The following TPCN2 variants were observed in gnomAD, a reference collection of about 807,000 sequenced individuals.
The protein encoded by TPCN2 is two pore segment channel 2, also known as two pore channel protein 2.
TPCN2 carries 92 observed loss-of-function variants against 111.4 expected under a neutral mutation model. The ratio of observed to expected loss-of-function variants is 0.83; its 90% CI spans 0.70 to 0.98. The LOEUF (loss-of-function observed/expected upper bound fraction) is 0.98, where lower values mean the gene tolerates loss of function less well. Ranked by LOEUF, TPCN2 falls within the 50% of genes least tolerant of loss-of-function variation. The pLI is 0.00. For missense variants in TPCN2, 995 were observed against 980.1 expected, an observed-to-expected ratio of 1.02 and a Z score of -0.20; for synonymous variants, 405 against 414.5, an observed-to-expected ratio of 0.98 and a Z score of 0.28.
chr11:69,054,630 C>A, intron 2 of TPCN2, 91 bp from the exon 3 acceptor site: 1 of 1,232,578 alleles, frequency 8.1e-7, no homozygotes, highest in Non-Finnish European at 1.2e-6. Flanking sequence ...CAGCCTGAGA[C>A]TTGGGCCTGT....
chr11:69,063,886 C>T lies in TPCN2; in HGVS notation c.654-9C>T, dbSNP rs780674279. On this transcript the variant is annotated splice_polypyrimidine_tract_variant and intron_variant, in intron 6 of 24. Transcript: ENST00000294309. ...CCTGGCCCAGGCTGAGTGCCGTGCT[C>T]TCCCCCAGCGTCGGGCTGCTGCTGG... 1.9e-5 allele frequency: 31 copies of T among 1,613,604 alleles called. No homozygotes were observed. The South Asian group carries it at 3.3e-4, about 17-fold the overall frequency.
At chr11:69,054,484 G>A in intron 2 of TPCN2, 1 of 576,760 alleles carries the variant, frequency 1.7e-6, no homozygotes. Context: ...CTGAGTGTTT[G>A]CTCACGCACC....
Position 69,087,070 on chromosome 11 carries a change from A to C in TPCN2, c.2086-42A>C, listed in dbSNP as rs774993377. 4.5e-6 allele frequency: 7 copies of C among 1,571,708 alleles called. No individual in the cohort carries two copies. In the Admixed American group the frequency reaches 1.0e-4, roughly 23 times the overall value. The stretch of plus-strand genomic sequence containing the variant: ...CCGGGGATGGGGCAAGGCTGCTTTC[A>C]TTCGGGGCCCACACTCACTGGCCAC... On this transcript the variant is annotated intron_variant, in intron 23 of 24. Transcript: ENST00000294309.
At position 69,087,164 on chromosome 11, in the gene TPCN2, C is replaced by T. The variant is rs759084745; in HGVS notation, c.2138C>T (p.Thr713Ile). The change falls in exon 24 of 25, where the codon ACC becomes ATC. Residue 713 changes from threonine to isoleucine, a missense_variant. Transcript: ENST00000294309. Reference sequence around the variant, plus strand: ...AGCCACCTGCAGCCCCTTGCTGGGACCCCAGAGGCCACCTACCAGATGACT... The same window carrying T: ...AGCCACCTGCAGCCCCTTGCTGGGATCCCAGAGGCCACCTACCAGATGACT... Reference protein sequence around the residue: ...PRSHLQPLAGTPEATYQMTVE... With the variant: ...PRSHLQPLAGIPEATYQMTVE... 1 of 1,613,932 alleles carries T rather than the reference C, an allele frequency of 6.2e-7. No individual in the cohort carries two copies. The highest frequency in any genetic ancestry group is 1.1e-5 in the South Asian group (1 of 91,086).
chr11:69,076,163 C>G (rs1441465181), intron 13 of TPCN2, among the ~76,000 whole-genome samples: 1 of 152,126 alleles, frequency 6.6e-6, no homozygotes, highest in Non-Finnish European at 1.5e-5. Flanking sequence ...GGGGACCCTC[C>G]GAAGCTGGGG....
intron 13 of TPCN2, among the ~76,000 whole-genome samples, chr11:69,074,830 T>C (rs186630393): frequency 9.8e-5 from 15 of 152,344 alleles, no homozygotes; most frequent in Non-Finnish European, 1.0e-4. Flanking sequence ...TTCCTCAGGC[T>C]TTGCTCCTGG....
At chr11:69,076,930 C>T (rs111170100) in intron 13 of TPCN2, among the ~76,000 whole-genome samples, 40 of 72,330 alleles carry the variant, frequency 5.5e-4, no homozygotes, top group Admixed American at 1.6e-3. Flanking sequence ...TCCTGCCATG[C>T]CCCTCCACCT....
At chr11:69,064,883 T>TTGTC (rs373677805) in intron 7 of TPCN2, among the ~76,000 whole-genome samples, 6,262 of 151,560 alleles carry the variant, frequency 0.041, 450 homozygotes, top group African/African-American at 0.14. Context: ...GTGTGCGTGT[T>TTGTC]TGTATGTGTG....
At chr11:69,065,140 G>A (rs1168954934) in intron 7 of TPCN2, among the ~76,000 whole-genome samples, 3 of 152,132 alleles carry the variant, frequency 2.0e-5, no homozygotes, top group African/African-American at 4.8e-5. Flanking sequence ...ATGTGTGTGC[G>A]TATCTCTGTG....
intron 20 of TPCN2, 57 bp downstream of exon 20, chr11:69,085,343 G>GGGC: frequency 1.5e-5 from 9 of 581,858 alleles, no homozygotes; most frequent in East Asian, 4.3e-5. Context: ...GGGTGGGCGG[G>GGGC]AAGCCTTGGC....
intron 17 of TPCN2, among the ~76,000 whole-genome samples, chr11:69,081,144 A>AGGGCTGCAGCCTTCCCGCG (rs1855988851): frequency 1.3e-5 from 2 of 151,916 alleles, no homozygotes; most frequent in Non-Finnish European, 2.9e-5. Flanking sequence ...GCCTTCCCGC[A>AGGGCTGCAGCCTTCCCGCG]AGGGCTGGCT....
chr11:69,072,360 C>CCTG (rs908058049), intron 11 of TPCN2, among the ~76,000 whole-genome samples: 16 of 152,118 alleles, frequency 1.1e-4, no homozygotes, highest in African/African-American at 3.6e-4. Context: ...ACACCACCAT[C>CCTG]CTGCTTGGAA....
chr11:69,084,282 T>C (rs1459323163), intron 19 of TPCN2, among the ~76,000 whole-genome samples: 2 of 152,138 alleles, frequency 1.3e-5, no homozygotes, highest in Non-Finnish European at 2.9e-5. Flanking sequence ...GACTGTTTGG[T>C]AATTTTTGAG....
intron 2 of TPCN2, 58 bp from the exon 3 acceptor site, chr11:69,054,663 G>T (rs1854669900): frequency 1.9e-5 from 30 of 1,539,982 alleles, no homozygotes; most frequent in Non-Finnish European, 2.5e-5. Context: ...GTGGGGCTCG[G>T]GTCACGGCCC....
chr11:69,078,943 G>T lies in TPCN2; in HGVS notation c.1462G>T (p.Val488Phe), dbSNP rs781066077. ...CTACCTGTTGGAGATGCTGCTCAAG[G>T]TCTTTGCCCTGGGCCTGCGAGGGTA... ...VYYLLEMLLKVFALGLRGYLS... is the reference protein window; with the variant it reads ...VYYLLEMLLKFFALGLRGYLS... Residue 488 changes from valine (V) to phenylalanine (F), a missense_variant, in exon 16 of 25, where the codon GTC becomes TTC. Physicochemically the swap from Val to Phe is conservative, Grantham distance 50. Coordinates refer to ENST00000294309, the MANE Select transcript of TPCN2 (RefSeq NM_139075.4). 7 of 1,614,080 alleles carry T rather than the reference G, an allele frequency of 4.3e-6. No individual in the cohort carries two copies. In the East Asian group the frequency reaches 1.6e-4, roughly 36 times the overall value.
In TPCN2 at chr11:69,072,754, G is replaced by T. The variant is rs774003387; in HGVS notation, c.1143+46G>T. The T allele has an allele frequency of 3.7e-4, 602 of 1,608,852 alleles. 1 individual carries two copies. The highest frequency in any genetic ancestry group is 4.9e-4 in the Non-Finnish European group (578 of 1,176,440). On this transcript the variant is annotated intron_variant, in intron 12 of 24. Transcript: ENST00000294309. ...GCCTCCTCTGGGCTCCTCCCGGGAG[G>T]TCACTTGGGCCAGCAGCCCCTTTTC...
At chr11:69,050,363 G>T (rs1359010951) in intron 1 of TPCN2, among the ~76,000 whole-genome samples, 1 of 152,186 alleles carries the variant, frequency 6.6e-6, no homozygotes, top group African/African-American at 2.4e-5. Context: ...TGTGACCTTG[G>T]CAGGTTGCTT....
At chr11:69,053,264 C>A (rs1478006704) in intron 1 of TPCN2, among the ~76,000 whole-genome samples, 1 of 152,214 alleles carries the variant, frequency 6.6e-6, no homozygotes, top group Non-Finnish European at 1.5e-5. Context: ...CCACCCTTCA[C>A]CACAGAAGGC....
intron 13 of TPCN2, among the ~76,000 whole-genome samples, chr11:69,075,443 T>G (rs1395282401): frequency 1.3e-5 from 2 of 152,184 alleles, no homozygotes; most frequent in Non-Finnish European, 2.9e-5. Flanking sequence ...AGTGGGAGTT[T>G]GGGGAATAAG....
Sources: allele counts gnomAD v4.1 joint callset (sites outside exome capture counted in the v4.1 genomes callset), GRCh38; gene constraint gnomAD v4.1.1; transcripts MANE v1.5; gene names NCBI Gene and HGNC (gene_info 2026-07-23, HGNC 2026-07-21).